TNKS: variants seen among roughly 807,000 people sequenced by gnomAD.
TNKS encodes poly [ADP-ribose] polymerase tankyrase-1.
TNKS carries 72 observed loss-of-function variants against 135.8 expected under a neutral mutation model. The ratio of observed to expected loss-of-function variants is 0.53; its 90% CI spans 0.44 to 0.64. The LOEUF is 0.64. Ranked by LOEUF, TNKS falls within the 30% of genes least tolerant of loss-of-function variation. The pLI, the probability that TNKS is intolerant of heterozygous loss-of-function variation, is 0.00. For missense variants in TNKS, 1,769 were observed against 1,674.0 expected (o/e 1.06, Z -0.99); for synonymous variants, 849 against 649.3 (o/e 1.31, Z -4.68).
chr8:9,766,501 T>C (rs1807455995), intron 25 of TNKS, 76 bp downstream of exon 25: 1 of 1,292,680 alleles, frequency 7.7e-7, no homozygotes, highest in South Asian at 1.9e-5. Flanking sequence ...TTTTTTTTTT[T>C]TTGAGATGAA....
At chr8:9,592,516 CTGAG>C (rs1388682837) in intron 2 of TNKS, among the ~76,000 whole-genome samples, 1 of 152,152 alleles carries the variant, frequency 6.6e-6, no homozygotes, top group African/African-American at 2.4e-5. Context: ...TCTCTGTGCA[CTGAG>C]TATGTTTACT....
At chr8:9,720,857 G>T (rs141207184) in intron 12 of TNKS, among the ~76,000 whole-genome samples, 3 of 152,170 alleles carry the variant, frequency 2.0e-5, no homozygotes, top group Non-Finnish European at 2.9e-5. Context: ...ATCAAATAGA[G>T]AAAATTATAA....
chr8:9,637,955 T>TTTA (rs1563134439), intron 3 of TNKS, among the ~76,000 whole-genome samples: 3 of 152,118 alleles, frequency 2.0e-5, no homozygotes, highest in East Asian at 1.9e-4. Flanking sequence ...TTGAACTCTT[T>TTTA]TTATTATTAT....
chr8:9,742,266 C>CT (rs893983777), intron 17 of TNKS, among the ~76,000 whole-genome samples: 54 of 147,832 alleles, frequency 3.7e-4, no homozygotes, highest in South Asian at 2.1e-3. Flanking sequence ...ATGACTGTTA[C>CT]TTTTTTTTGG....
chr8:9,748,944 A>G (rs1223717139), intron 18 of TNKS, among the ~76,000 whole-genome samples: 1 of 152,166 alleles, frequency 6.6e-6, no homozygotes, highest in Non-Finnish European at 1.5e-5. Context: ...GACAGATACA[A>G]CTAGAAGGCA....
intron 1 of TNKS, chr8:9,556,885 A>G (rs1043851671): frequency 5.5e-6 from 3 of 548,372 alleles, no homozygotes; most frequent in Non-Finnish European, 9.7e-6. Context: ...ATATGGATAT[A>G]TTTACACTTT....
chr8:9,734,812 C>A, intron 15 of TNKS, 53 bp from the exon 16 acceptor site: 1 of 1,464,336 alleles, frequency 6.8e-7, no homozygotes, highest in Non-Finnish European at 9.4e-7. Flanking sequence ...ACCTACCTAC[C>A]TACCTACTTA....
At chr8:9,561,175 C>T (rs749688935) in intron 1 of TNKS, among the ~76,000 whole-genome samples, 2 of 152,160 alleles carry the variant, frequency 1.3e-5, no homozygotes, top group African/African-American at 2.4e-5. Context: ...TGTGCAGCTT[C>T]TCCAAATATG....
At chr8:9,726,806 A>G (rs1805185158) in intron 13 of TNKS, 86 bp downstream of exon 13, 8 of 1,049,650 alleles carry the variant, frequency 7.6e-6, no homozygotes, top group Non-Finnish European at 1.1e-5. Context: ...TATCTACTCA[A>G]ATACAAACAG....
chr8:9,631,014 A>G (rs1482562486), intron 3 of TNKS, among the ~76,000 whole-genome samples: 3 of 152,204 alleles, frequency 2.0e-5, no homozygotes, highest in Admixed American at 6.5e-5. Flanking sequence ...CATTTATAGA[A>G]TACCTTTATT....
intron 3 of TNKS, among the ~76,000 whole-genome samples, chr8:9,617,544 A>G (rs1031726704): frequency 2.0e-5 from 3 of 152,218 alleles, no homozygotes; most frequent in Non-Finnish European, 2.9e-5. Context: ...TTCTACATTC[A>G]TGCTATATAA....
intron 1 of TNKS, among the ~76,000 whole-genome samples, chr8:9,562,016 C>T (rs964129228): frequency 6.6e-6 from 1 of 152,044 alleles, no homozygotes. Flanking sequence ...GGGGTTTCAC[C>T]ATGTTGACCA....
Position 9,745,208 on chromosome 8 carries a change from T to G in TNKS, c.2644-2816T>G, listed in dbSNP as rs74406003. ...GGAGATAAATTACTAGGTTTGGTTTTGTTTTAGGTGATTTTGATAATACCA... is the reference window on the plus strand; with the variant it reads ...GGAGATAAATTACTAGGTTTGGTTTGGTTTTAGGTGATTTTGATAATACCA... On this transcript the variant is annotated intron_variant, in intron 17 of 26. Coordinates refer to ENST00000310430, the MANE Select transcript of TNKS (RefSeq NM_003747.3). Among the ~76,000 whole-genome samples, 455 of 152,344 alleles carry G rather than the reference T, an allele frequency of 3.0e-3. 2 individuals are homozygous for G. The highest frequency in any genetic ancestry group is 0.01 in the African/African-American group (430 of 41,576).
chr8:9,628,855 C>G (rs1434779294), intron 3 of TNKS, among the ~76,000 whole-genome samples: 1 of 152,170 alleles, frequency 6.6e-6, no homozygotes, highest in Non-Finnish European at 1.5e-5. Context: ...CTATCCAACC[C>G]TATTGCCATG....
At chr8:9,612,818 G>C (rs1799511054) in intron 2 of TNKS, among the ~76,000 whole-genome samples, 2 of 150,092 alleles carry the variant, frequency 1.3e-5, no homozygotes, top group African/African-American at 4.9e-5. Context: ...CTATTGACCA[G>C]AAGCCTTTTC....
chr8:9,704,531 A>C (rs1803959735), intron 5 of TNKS, 132 bp from the exon 6 acceptor site: 1 of 676,176 alleles, frequency 1.5e-6, no homozygotes, highest in Non-Finnish European at 2.5e-6. Context: ...TAAGTTATGA[A>C]ATGTGAATTT....
At chr8:9,694,475 G>T (rs1369271380) in intron 5 of TNKS, among the ~76,000 whole-genome samples, 1 of 151,952 alleles carries the variant, frequency 6.6e-6, no homozygotes, top group Non-Finnish European at 1.5e-5. Flanking sequence ...AAAAAGTATT[G>T]TCCAGGCCCG....
At chr8:9,615,912 T>C (rs1799628450) in intron 3 of TNKS, among the ~76,000 whole-genome samples, 1 of 152,194 alleles carries the variant, frequency 6.6e-6, no homozygotes, top group South Asian at 2.1e-4. Flanking sequence ...TCATAACATC[T>C]TTCACTCGTA....
In TNKS at chr8:9,555,992, T is replaced by A; in HGVS notation, c.53T>A (p.Leu18His). Residue 18 changes from leucine to histidine, a missense_variant, in exon 1 of 27, where the codon CTC becomes CAC. Around this residue, in one of 5 missense-constraint regions of TNKS, gnomAD observed 450 missense variants for 304.9 expected, o/e 1.48. Coordinates refer to ENST00000310430, the MANE Select transcript of TNKS (RefSeq NM_003747.3). ...QHHHHHHQQQ[L>H]QPAPGASAPP... Reference sequence around the variant, plus strand: ...CATCACCACCATCATCAACAACAGCTCCAGCCCGCCCCAGGGGCTTCAGCG... The same window carrying A: ...CATCACCACCATCATCAACAACAGCACCAGCCCGCCCCAGGGGCTTCAGCG... 1 of 1,613,202 alleles carries A rather than the reference T, an allele frequency of 6.2e-7. No homozygotes were observed. Among genetic ancestry groups the A allele is most frequent in the African/African-American group, 1.3e-5 (1 of 74,964 alleles).
Sources: allele counts gnomAD v4.1 joint callset (sites outside exome capture counted in the v4.1 genomes callset), GRCh38; gene constraint gnomAD v4.1.1; regional missense constraint gnomAD v4.1.1; transcripts MANE v1.5; gene names NCBI Gene and HGNC (gene_info 2026-07-23, HGNC 2026-07-21).